The following NFIB variants were observed in gnomAD, a reference collection of about 807,000 sequenced individuals.
The protein encoded by NFIB is nuclear factor I B.
In NFIB, 11 loss-of-function variants were observed where a neutral mutation model predicts 61.5. That is an observed-to-expected ratio of 0.18 (90% CI 0.11 to 0.30). The LOEUF is 0.30. Among genes scored for constraint, NFIB ranks in the 10% least tolerant of loss-of-function variants. The pLI is 1.00. For missense variants in NFIB, 471 were observed against 608.9 expected (o/e 0.77, Z 2.38); for synonymous variants, 260 against 216.5 (o/e 1.20, Z -1.76).
Position 14,230,056 on chromosome 9 carries a change from T to TA in NFIB, c.563-50277dup, listed in dbSNP as rs1240215875. ...CCGACCTCAGGTGATCAGCCCGCCTTAGCCTCCCAATGTGCTGAGATTACA... is the reference window on the plus strand; with the variant it reads ...CCGACCTCAGGTGATCAGCCCGCCTTAAGCCTCCCAATGTGCTGAGATTACA... On this transcript the variant is annotated intron_variant, in intron 2 of 10. Coordinates refer to ENST00000380953, the MANE Select transcript of NFIB (RefSeq NM_001190737.2). Among the ~76,000 whole-genome samples, 4 of 152,300 alleles carry TA rather than the reference T, an allele frequency of 2.6e-5. No individual in the cohort carries two copies. The East Asian group carries it at 7.7e-4, about 29-fold the overall frequency.
chr9:14,135,262 A>G (rs2130986831), intron 6 of NFIB, among the ~76,000 whole-genome samples: 1 of 152,320 alleles, frequency 6.6e-6, no homozygotes, highest in Non-Finnish European at 1.5e-5. Context: ...ACAGAATACT[A>G]TAAATAATTC....
At chr9:14,451,728 A>G in the NFIB span, among the ~76,000 whole-genome samples, 1 of 152,230 alleles carries the variant, frequency 6.6e-6, no homozygotes, top group South Asian at 2.1e-4. Context: ...CATTTAACAT[A>G]GAATATGAAA....
intron 8 of NFIB, among the ~76,000 whole-genome samples, chr9:14,119,816 A>G: frequency 6.6e-6 from 1 of 152,180 alleles, no homozygotes; most frequent in Non-Finnish European, 1.5e-5. Flanking sequence ...AAGAAACCAT[A>G]TGTCTAGGGG....
chr9:14,399,134 T>C (rs965333682), upstream of NFIB, among the ~76,000 whole-genome samples: 2 of 152,260 alleles, frequency 1.3e-5, no homozygotes. Context: ...TTTTTTATAT[T>C]GATCACATGT....
In NFIB at chr9:14,125,761, A is replaced by T. The variant is rs1168318935; in HGVS notation, c.931T>A (p.Ser311Thr). 6.2e-7 allele frequency: 1 copy of T among 1,613,930 alleles called. No homozygotes were observed. The highest frequency in any genetic ancestry group is 8.5e-7 in the Non-Finnish European group (1 of 1,179,916). ...GGCTTCTTCATAGTAGTCGGAGAAG[A>T]CATATCTGCGAGAAACAGAGAAAAA... ...RTWHERDQDM[S>T]SPTTMKKPEK... Residue 311 changes from serine to threonine, a missense_variant, in exon 7 of 11, where the codon TCT becomes ACT. This residue lies in a region of NFIB where 372 missense variants were observed against 395.6 expected (regional missense o/e 0.94). Transcript: ENST00000380953.
At chr9:14,492,188 C>G in the NFIB span, among the ~76,000 whole-genome samples, 1 of 151,884 alleles carries the variant, frequency 6.6e-6, no homozygotes, top group African/African-American at 2.4e-5. Context: ...ACAGTGAAAC[C>G]CCGTCTCTAC....
chr9:14,341,419 A>T (rs951975948), intron 1 of NFIB, among the ~76,000 whole-genome samples: 1 of 152,236 alleles, frequency 6.6e-6, no homozygotes, highest in Non-Finnish European at 1.5e-5. Context: ...AGGGAGAAAG[A>T]TGAAACAGGT....
chr9:14,167,245 T>A lies in NFIB; in HGVS notation c.617-11352A>T, dbSNP rs148208171. 3.2e-4 allele frequency among the ~76,000 whole-genome samples: 48 copies of A among 152,252 alleles called. No individual in the cohort carries two copies. In the East Asian group the frequency reaches 8.9e-3, roughly 28 times the overall value. ...GTGTGGTACTGATTTCATGAGTATA[T>A]GCATACGTCAGAACTGGCTGGGTGT... On this transcript the variant is annotated intron_variant, in intron 3 of 10. Coordinates refer to ENST00000380953, the MANE Select transcript of NFIB (RefSeq NM_001190737.2).
At chr9:14,371,142 A>C (rs1015132777) in intron 1 of NFIB, among the ~76,000 whole-genome samples, 3 of 149,834 alleles carry the variant, frequency 2.0e-5, no homozygotes, top group South Asian at 4.2e-4. Flanking sequence ...AACAAACAAA[A>C]ACACACACAC....
chr9:14,454,282 A>C, the NFIB span, among the ~76,000 whole-genome samples: 2 of 152,206 alleles, frequency 1.3e-5, no homozygotes, highest in Non-Finnish European at 2.9e-5. Context: ...ATTAATAAGG[A>C]ATTGTGGAAC....
chr9:14,248,203 C>T (rs1388444472), intron 2 of NFIB, among the ~76,000 whole-genome samples: 1 of 150,756 alleles, frequency 6.6e-6, no homozygotes, highest in Non-Finnish European at 1.5e-5. Context: ...TTCTTTCTTT[C>T]TTTCCTTCTT....
chr9:14,086,303 A>G lies in NFIB; in HGVS notation c.*2006T>C. ...CCCTGTCCATCTCTCAGTACACAAA[A>G]GGACCTCATCACACTGCAAAAATAG... On this transcript the variant is annotated 3_prime_UTR_variant, in exon 11 of 11. Coordinates refer to ENST00000380953, the MANE Select transcript of NFIB (RefSeq NM_001190737.2). 1 of 223,062 alleles carries G rather than the reference A, an allele frequency of 4.5e-6. No individual in the cohort carries two copies. 13.8% of individuals were successfully genotyped at this position (223,062 alleles called of 1,614,324 possible).
At chr9:14,504,871 G>A in the NFIB span, among the ~76,000 whole-genome samples, 2 of 152,132 alleles carry the variant, frequency 1.3e-5, no homozygotes, top group South Asian at 4.1e-4. Context: ...GTACTATGTT[G>A]AATAGAAGTG....
At chr9:14,161,250 G>C (rs926279984) in intron 3 of NFIB, among the ~76,000 whole-genome samples, 1 of 151,904 alleles carries the variant, frequency 6.6e-6, no homozygotes, top group African/African-American at 2.4e-5. Flanking sequence ...AGCTGAAACT[G>C]TGATTATAAA....
At chr9:14,142,304 G>A (rs2041821747) in intron 6 of NFIB, among the ~76,000 whole-genome samples, 1 of 152,138 alleles carries the variant, frequency 6.6e-6, no homozygotes, top group African/African-American at 2.4e-5. Context: ...TTTAAAAACA[G>A]GAGTTCCCTG....
chr9:14,194,755 C>T (rs1045444301), intron 2 of NFIB, among the ~76,000 whole-genome samples: 3 of 152,020 alleles, frequency 2.0e-5, no homozygotes, highest in Non-Finnish European at 2.9e-5. Context: ...TTGAAACAGG[C>T]ACTATCTTAG....
chr9:14,215,487 C>T (rs1329654024), intron 2 of NFIB, among the ~76,000 whole-genome samples: 1 of 152,042 alleles, frequency 6.6e-6, no homozygotes, highest in Admixed American at 6.5e-5. Context: ...GATATATGGT[C>T]CTGAAAATCC....
chr9:14,293,598 C>T lies in NFIB; in HGVS notation c.562+13391G>A, dbSNP rs547299427. Among the ~76,000 whole-genome samples the T allele has an allele frequency of 2.6e-5, 4 of 152,294 alleles. No homozygotes were observed. The East Asian group carries it at 7.7e-4, about 29-fold the overall frequency. On this transcript the variant is annotated intron_variant, in intron 2 of 10. Coordinates refer to ENST00000380953, the MANE Select transcript of NFIB (RefSeq NM_001190737.2). ...TGATGATGCTTTCTGAACATAAGTG[C>T]GGAGTCTATCATTAACTTAGACCAT...
chr9:14,233,032 T>C (rs2053371091), intron 2 of NFIB, among the ~76,000 whole-genome samples: 1 of 152,106 alleles, frequency 6.6e-6, no homozygotes. Flanking sequence ...CTGCACTTGC[T>C]CTTGATAGGA....
Sources: gnomAD v4.1 joint callset for allele counts (sites outside exome capture counted in the v4.1 genomes callset) on GRCh38, gnomAD v4.1.1 for gene constraint, gnomAD v4.1.1 regional missense constraint, MANE v1.5 for transcripts, NCBI Gene and HGNC (gene_info 2026-07-23, HGNC 2026-07-21) for gene names.